The following MED28 variants were observed in gnomAD, a reference collection of about 807,000 sequenced individuals.
MED28 encodes mediator complex subunit 28.
In MED28, 26 loss-of-function variants were observed where a neutral mutation model predicts 21.3. That is an observed-to-expected ratio of 1.22 (90% CI 0.89 to 1.69). MED28 has a LOEUF of 1.69. Among genes scored for constraint, MED28 ranks in the 40% most tolerant of loss-of-function variants. The pLI is 0.00. For synonymous variants in MED28, 110 were observed against 87.6 expected, an observed-to-expected ratio of 1.26 and a Z score of -1.43; for missense variants, 257 against 215.4, an observed-to-expected ratio of 1.19 and a Z score of -1.21.
In MED28 at chr4:17,628,591, T is replaced by C. The variant is rs1714834132; in HGVS notation, c.*4793T>C. ...CTTGTTCAAATACAGGCATTTCTGG[T>C]GGGCTTTGGCTGAAGGCATTCACAC... On this transcript the variant is annotated 3_prime_UTR_variant, in exon 4 of 4. Coordinates refer to ENST00000237380, the MANE Select transcript of MED28 (RefSeq NM_025205.5). The C allele has an allele frequency of 6.6e-6, 1 of 152,104 alleles. No homozygotes were observed. The highest frequency in any genetic ancestry group is 1.5e-5 in the Non-Finnish European group (1 of 68,018). 9.4% of individuals were successfully genotyped at this position (152,104 alleles called of 1,614,324 possible). A position where few individuals can be genotyped will look rare whatever the true frequency, so the allele number is the denominator to read the frequency against.
chr4:17,623,982 A>G lies in MED28; in HGVS notation c.*184A>G. On this transcript the variant is annotated 3_prime_UTR_variant, in exon 4 of 4. Coordinates refer to ENST00000237380, the MANE Select transcript of MED28 (RefSeq NM_025205.5). ...GCTGTTAATTTCTTGAGTACTTTAT[A>G]ACATGTCTGTAGCTTGGATAAACCA... The G allele has an allele frequency of 3.1e-6, 2 of 648,886 alleles. No homozygotes were observed. The highest frequency in any genetic ancestry group is 2.8e-5 in the East Asian group (1 of 36,146). The allele number at this position is 648,886 out of a possible 1,614,324, so 40.2% of individuals were successfully genotyped here. A position where few individuals can be genotyped will look rare whatever the true frequency, so the allele number is the denominator to read the frequency against.
At position 17,625,761 on chromosome 4, in the gene MED28, G is replaced by A; in HGVS notation, c.*1963G>A. The A allele has an allele frequency of 2.4e-6, 1 of 421,120 alleles. No homozygotes were observed. Among genetic ancestry groups the A allele is most frequent in the Admixed American group, 3.0e-5 (1 of 33,346 alleles). 26.1% of individuals were successfully genotyped at this position (421,120 alleles called of 1,614,324 possible). On this transcript the variant is annotated 3_prime_UTR_variant, in exon 4 of 4. Coordinates refer to ENST00000237380, the MANE Select transcript of MED28 (RefSeq NM_025205.5). ...TTCTCAAGTTCCCCTAGAAACCTGT[G>A]GAATGCCCTCTGCCAAGCACTGCTC...
Position 17,633,588 on chromosome 4 carries a change from G to A in MED28, c.*9790G>A. The A allele has an allele frequency of 6.4e-6, 7 of 1,093,372 alleles. No homozygotes were observed. Among genetic ancestry groups the A allele is most frequent in the African/African-American group, 4.9e-5 (3 of 61,512 alleles). The allele number at this position is 1,093,372 out of a possible 1,614,324, so 67.7% of individuals were successfully genotyped here. A position where few individuals can be genotyped will look rare whatever the true frequency, so the allele number is the denominator to read the frequency against. On this transcript the variant is annotated 3_prime_UTR_variant, in exon 4 of 4. Transcript: ENST00000237380. ...CCTTGTCTAATCATCCATGAAAAAA[G>A]GCCTTCTGGAATTTGGTACCAGGTG...
rs1305869755 is a variant in MED28, at chr4:17,633,734, C to T, written c.*9936C>T. 1.4e-5 allele frequency: 22 copies of T among 1,549,678 alleles called. No individual in the cohort carries two copies. Among genetic ancestry groups the T allele is most frequent in the East Asian group, 4.9e-5 (2 of 40,766 alleles). On this transcript the variant is annotated 3_prime_UTR_variant, in exon 4 of 4. Transcript: ENST00000237380. Reference sequence around the variant, plus strand: ...TGTAGACTGGTTGGGTTTGTAGGTCCGGCCACAGCTGGGGCTTGGGTCCAA... The same window carrying T: ...TGTAGACTGGTTGGGTTTGTAGGTCTGGCCACAGCTGGGGCTTGGGTCCAA...
chr4:17,619,045 T>C lies in MED28; in HGVS notation c.160-856T>C, dbSNP rs185174816. On this transcript the variant is annotated intron_variant, in intron 1 of 3. Coordinates refer to ENST00000237380, the MANE Select transcript of MED28 (RefSeq NM_025205.5). Reference sequence around the variant, plus strand: ...GCTGATTGCTGACAGAGCTCCACTTTCCTGTGTTTGAGGCTTCTTTTCTAA... The same window carrying C: ...GCTGATTGCTGACAGAGCTCCACTTCCCTGTGTTTGAGGCTTCTTTTCTAA... 2.5e-3 allele frequency among the ~76,000 whole-genome samples: 386 copies of C among 152,336 alleles called. 2 individuals carry two copies. The highest frequency in any genetic ancestry group is 8.8e-3 in the African/African-American group (367 of 41,572).
At chr4:17,621,057 C>A (rs1714614807) in intron 2 of MED28, among the ~76,000 whole-genome samples, 1 of 147,220 alleles carries the variant, frequency 6.8e-6, no homozygotes, top group Admixed American at 6.9e-5. Context: ...ACTCTGTCAC[C>A]AGTCTGGAGT....
intron 2 of MED28, 100 bp downstream of exon 2, chr4:17,620,067 GACA>G: frequency 8.9e-7 from 1 of 1,119,466 alleles, no homozygotes; most frequent in Non-Finnish European, 1.4e-6. Context: ...TTTATCCTAA[GACA>G]ACATTTCAGG....
At position 17,624,996 on chromosome 4, in the gene MED28, C is replaced by G. The variant is rs753746542; in HGVS notation, c.*1198C>G. The G allele has an allele frequency of 3.3e-5, 5 of 152,066 alleles. No individual in the cohort carries two copies. Among genetic ancestry groups the G allele is most frequent in the African/African-American group, 1.2e-4 (5 of 41,382 alleles). 9.4% of individuals were successfully genotyped at this position (152,066 alleles called of 1,614,324 possible). A position where few individuals can be genotyped will look rare whatever the true frequency, so the allele number is the denominator to read the frequency against. On this transcript the variant is annotated 3_prime_UTR_variant, in exon 4 of 4. Coordinates refer to ENST00000237380, the MANE Select transcript of MED28 (RefSeq NM_025205.5). ...TCACTGTCTTCTGATTGGCAGTACT[C>G]CTGTGGCTTTGTGCCTTGACTCATT...
chr4:17,621,273 G>A (rs917090906), intron 2 of MED28, among the ~76,000 whole-genome samples: 1 of 151,846 alleles, frequency 6.6e-6, no homozygotes, highest in Non-Finnish European at 1.5e-5. Context: ...CGGCCTCCCA[G>A]AGTGCTGAGA....
chr4:17,619,436 G>C (rs146665331), intron 1 of MED28, among the ~76,000 whole-genome samples: 2 of 152,244 alleles, frequency 1.3e-5, no homozygotes, highest in Admixed American at 6.5e-5. Flanking sequence ...TATGATGTCA[G>C]TTAATTATGT....
chr4:17,632,536 A>G lies in MED28; in HGVS notation c.*8738A>G, dbSNP rs1447922818. The G allele has an allele frequency of 4.5e-6, 7 of 1,549,840 alleles. No individual in the cohort carries two copies. The highest frequency in any genetic ancestry group is 6.1e-6 in the Non-Finnish European group (7 of 1,145,636). ...TGATGTATCCCAAAGGTTAGCTTAG[A>G]AAGAAAAGTACTTGGTGAACCATTC... On this transcript the variant is annotated 3_prime_UTR_variant, in exon 4 of 4. Coordinates refer to ENST00000237380, the MANE Select transcript of MED28 (RefSeq NM_025205.5).
At chr4:17,616,788 A>G (rs1389757548) in intron 1 of MED28, among the ~76,000 whole-genome samples, 1 of 152,214 alleles carries the variant, frequency 6.6e-6, no homozygotes, top group Admixed American at 6.5e-5. Context: ...CAGTGGTAGT[A>G]GATAGCAAGT....
chr4:17,623,878 T>C lies in MED28; in HGVS notation c.*80T>C. 6.8e-7 allele frequency: 1 copy of C among 1,463,836 alleles called. No individual in the cohort carries two copies. The highest frequency in any genetic ancestry group is 9.3e-7 in the Non-Finnish European group (1 of 1,075,568). 90.7% of individuals were successfully genotyped at this position (1,463,836 alleles called of 1,614,324 possible). On this transcript the variant is annotated 3_prime_UTR_variant, in exon 4 of 4. Coordinates refer to ENST00000237380, the MANE Select transcript of MED28 (RefSeq NM_025205.5). ...ACATTCCTTCCTGTGGACTTGACAT[T>C]TTGGAAGAACTCTTTGCCAGATAAT...
In MED28 at chr4:17,627,828, C is replaced by T. The variant is rs1391751206; in HGVS notation, c.*4030C>T. On this transcript the variant is annotated 3_prime_UTR_variant, in exon 4 of 4. Transcript: ENST00000237380. ...TGGGTGACAGAGTAAGACTTCGTCT[C>T]AAAAAATAAAAAATAAAAAAATACT... The T allele has an allele frequency of 6.6e-6, 1 of 152,384 alleles. No individual in the cohort carries two copies. Among genetic ancestry groups the T allele is most frequent in the African/African-American group, 2.4e-5 (1 of 41,556 alleles). The allele number at this position is 152,384 out of a possible 1,614,324, so 9.4% of individuals were successfully genotyped here.
In MED28 at chr4:17,623,631, C is replaced by G; in HGVS notation, c.370C>G (p.Arg124Gly). The change falls in exon 4 of 4, where the codon CGG becomes GGG. Residue 124 changes from arginine (R) to glycine (G), a missense_variant. By Grantham distance (125) the Arg-to-Gly change is moderately radical (BLOSUM62 -2). Coordinates refer to ENST00000237380, the MANE Select transcript of MED28 (RefSeq NM_025205.5). ...GTCAGAACTAAGGAATGAATTACAGCGGAAAGATGCACTAGTCCAGAAGCA... is the reference window on the plus strand; with the variant it reads ...GTCAGAACTAAGGAATGAATTACAGGGGAAAGATGCACTAGTCCAGAAGCA... The part of the protein sequence containing the change: ...DVSELRNELQ[R>G]KDALVQKHLT... The G allele has an allele frequency of 1.2e-6, 2 of 1,614,118 alleles. No homozygotes were observed. Among genetic ancestry groups the G allele is most frequent in the Non-Finnish European group, 1.7e-6 (2 of 1,180,016 alleles).
Position 17,632,699 on chromosome 4 carries a change from T to C in MED28, c.*8901T>C. ...AAGCAGCTTAATACCCACCATCTTT[T>C]CAGGGAAAGATAACTGCTTGTTTAC... is the stretch of plus-strand genomic sequence containing the variant. On this transcript the variant is annotated 3_prime_UTR_variant, in exon 4 of 4. Transcript: ENST00000237380. The C allele has an allele frequency of 1.0e-6, 1 of 988,910 alleles. No individual in the cohort carries two copies. Among genetic ancestry groups the C allele is most frequent in the Non-Finnish European group, 1.5e-6 (1 of 654,058 alleles). 61.3% of individuals were successfully genotyped at this position (988,910 alleles called of 1,614,324 possible).
intron 1 of MED28, 72 bp downstream of exon 1, chr4:17,614,885 A>G: frequency 1.3e-6 from 2 of 1,498,144 alleles, no homozygotes; most frequent in Non-Finnish European, 1.8e-6. Context: ...GCGTACGCGT[A>G]TCTCCTCCAG....
rs1714782480 is a variant in MED28, at chr4:17,626,890, TC to T, written c.*3094del. 1 of 151,420 alleles carries T rather than the reference TC, an allele frequency of 6.6e-6. No individual in the cohort carries two copies. The highest frequency in any genetic ancestry group is 2.4e-5 in the African/African-American group (1 of 41,128). 9.4% of individuals were successfully genotyped at this position (151,420 alleles called of 1,614,324 possible). A position where few individuals can be genotyped will look rare whatever the true frequency, so the allele number is the denominator to read the frequency against. On this transcript the variant is annotated 3_prime_UTR_variant, in exon 4 of 4. Transcript: ENST00000237380. ...GGTGACCTTTTCAGCCATTTGACAT[TC>T]CTCCCAGAAGAACCTCTGCCTCCCA...
At chr4:17,615,842 A>T (rs1315600738) in intron 1 of MED28, among the ~76,000 whole-genome samples, 1 of 150,988 alleles carries the variant, frequency 6.6e-6, no homozygotes, top group Non-Finnish European at 1.5e-5. Context: ...AATAAATAAA[A>T]ATCCCAACTT....
Sources: allele counts gnomAD v4.1 joint callset (sites outside exome capture counted in the v4.1 genomes callset), GRCh38; gene constraint gnomAD v4.1.1; transcripts MANE v1.5; gene names NCBI Gene and HGNC (gene_info 2026-07-23, HGNC 2026-07-21).